The following MAGT1 variants were observed in gnomAD, a reference collection of about 807,000 sequenced individuals.
MAGT1 encodes the protein magnesium transporter 1, also known as dolichyl-diphosphooligosaccharide--protein glycosyltransferase subunit MAGT1.
MAGT1 carries 4 observed loss-of-function variants against 28.4 expected under a neutral mutation model. That is an observed-to-expected ratio of 0.14 (90% CI 0.07 to 0.32). The LOEUF is 0.32. MAGT1 is among the 10% of genes least tolerant of loss of function. MAGT1 has a pLI of 1.00. For missense variants in MAGT1, 193 were observed against 264.5 expected (o/e 0.73, Z 1.88); for synonymous variants, 89 against 89.7 (o/e 0.99, Z 0.04).
In MAGT1 at chrX:77,849,463, G is replaced by A. The variant is rs782497653; in HGVS notation, c.826+4438C>T. Reference sequence around the variant, plus strand: ...AGCAGTCAGGATAGCAGTTATTTCTGGGTGGGAAGGTGGCAATCAGGAGGA... The same window carrying A: ...AGCAGTCAGGATAGCAGTTATTTCTAGGTGGGAAGGTGGCAATCAGGAGGA... On this transcript the variant is annotated intron_variant, in intron 7 of 9. Transcript: ENST00000618282. 5.4e-5 allele frequency among the ~76,000 whole-genome samples: 6 copies of A among 111,188 alleles called. No individual in the cohort carries two copies. In the East Asian group the frequency reaches 1.7e-3, roughly 31 times the overall value.
At chrX:77,836,493 T>C (rs1557213929) in intron 8 of MAGT1, among the ~76,000 whole-genome samples, 1 of 112,009 alleles carries the variant, frequency 8.9e-6, no homozygotes, top group African/African-American at 3.2e-5. Context: ...AAACATCTCA[T>C]GTATCCCATA....
chrX:77,877,497 A>T (rs782172709), intron 1 of MAGT1, among the ~76,000 whole-genome samples: 14 of 109,086 alleles, frequency 1.3e-4, no homozygotes, highest in South Asian at 3.8e-4. Flanking sequence ...TCTCAAAAAA[A>T]AAAATAAAAT....
chrX:77,883,029 GTTAT>G (rs1215921351), intron 1 of MAGT1, among the ~76,000 whole-genome samples: 3 of 97,870 alleles, frequency 3.1e-5, no homozygotes, highest in African/African-American at 1.1e-4. Context: ...TTATATATTT[GTTAT>G]TTATATATAA....
At chrX:77,881,091 T>C (rs1177617497) in intron 1 of MAGT1, among the ~76,000 whole-genome samples, 3 of 110,283 alleles carry the variant, frequency 2.7e-5, no homozygotes, top group Non-Finnish European at 3.8e-5. Flanking sequence ...AGAGAATATT[T>C]GATTTAAATT....
intron 2 of MAGT1, among the ~76,000 whole-genome samples, chrX:77,871,717 C>T (rs1479515851): frequency 9.1e-6 from 1 of 110,380 alleles, no homozygotes; most frequent in African/African-American, 3.3e-5. Context: ...TGGCAGGCAC[C>T]TGTAGTCTCA....
At chrX:77,870,369 A>T (rs1557217232) in intron 3 of MAGT1, among the ~76,000 whole-genome samples, 1 of 110,684 alleles carries the variant, frequency 9.0e-6, no homozygotes, top group Non-Finnish European at 1.9e-5. Flanking sequence ...TATCCATGTA[A>T]CCAAAAACCA....
intron 4 of MAGT1, among the ~76,000 whole-genome samples, 173 bp from the exon 5 acceptor site, chrX:77,857,046 T>C: frequency 8.9e-6 from 1 of 112,013 alleles, no homozygotes; most frequent in Non-Finnish European, 1.9e-5. Flanking sequence ...TAAAATAGGA[T>C]AGAATAGGTA....
chrX:77,841,639 T>C (rs782460010), intron 7 of MAGT1, among the ~76,000 whole-genome samples: 1 of 110,344 alleles, frequency 9.1e-6, no homozygotes, highest in South Asian at 3.8e-4. Context: ...GACATTCAGT[T>C]ATTGCCCTGA....
chrX:77,876,132 TTATATATATATATA>T (rs1222026237), intron 1 of MAGT1, among the ~76,000 whole-genome samples: 6 of 34,085 alleles, frequency 1.8e-4, no homozygotes, highest in Non-Finnish European at 2.3e-4. Flanking sequence ...CACCTGGCCT[TTATATATATATATA>T]TATATATATA....
At position 77,858,026 on chromosome X, in the gene MAGT1, C is replaced by G. The variant is rs182464910; in HGVS notation, c.391-529G>C. ...ATTTCTCTATTCTCCATCATGACAT[C>G]ATGATATATTTGAGAAGACAACACC... On this transcript the variant is annotated intron_variant, in intron 3 of 9. Coordinates refer to ENST00000618282, the MANE Select transcript of MAGT1 (RefSeq NM_001367916.1). Among the ~76,000 whole-genome samples the G allele has an allele frequency of 5.5e-4, 61 of 111,711 alleles. 1 individual carries two copies. Among genetic ancestry groups the G allele is most frequent in the Admixed American group, 5.3e-3 (55 of 10,418 alleles).
At chrX:77,861,203 C>A (rs1321096580) in intron 3 of MAGT1, among the ~76,000 whole-genome samples, 2 of 108,124 alleles carry the variant, frequency 1.8e-5, no homozygotes, top group Non-Finnish European at 3.8e-5. Flanking sequence ...GCAACACACA[C>A]ACACAATGGG....
At chrX:77,878,536 C>T (rs1207530307) in intron 1 of MAGT1, among the ~76,000 whole-genome samples, 2 of 104,784 alleles carry the variant, frequency 1.9e-5, no homozygotes, top group African/African-American at 6.9e-5. Context: ...GCTGTAATCC[C>T]AGCACTTTAG....
chrX:77,863,375 C>T (rs2076999658), intron 3 of MAGT1, among the ~76,000 whole-genome samples: 2 of 107,002 alleles, frequency 1.9e-5, no homozygotes, highest in African/African-American at 6.8e-5. Context: ...ATTAGCCGGG[C>T]GTGGTGGTGT....
chrX:77,886,637 T>C (rs1603365066), intron 1 of MAGT1, among the ~76,000 whole-genome samples: 1 of 110,412 alleles, frequency 9.1e-6, no homozygotes, highest in East Asian at 2.8e-4. Context: ...CTGAGCAACA[T>C]AGTTAGATTC....
intron 9 of MAGT1, among the ~76,000 whole-genome samples, 188 bp downstream of exon 9, chrX:77,830,617 A>AAAAT (rs1196992466): frequency 5.9e-4 from 65 of 110,332 alleles, no homozygotes; most frequent in African/African-American, 1.0e-3. Context: ...CTCCATCTCA[A>AAAAT]AAATAAATAA....
intron 7 of MAGT1, among the ~76,000 whole-genome samples, chrX:77,852,196 C>T (rs782078983): frequency 8.9e-6 from 1 of 112,564 alleles, no homozygotes; most frequent in East Asian, 2.8e-4. Context: ...AGCCACCACG[C>T]CTGGCCTCAG....
chrX:77,838,360 G>A (rs1557214093), intron 8 of MAGT1, among the ~76,000 whole-genome samples: 2 of 110,060 alleles, frequency 1.8e-5, no homozygotes, highest in Admixed American at 9.8e-5. Flanking sequence ...GGGAAGCTGA[G>A]GCAGTAGGAC....
intron 8 of MAGT1, among the ~76,000 whole-genome samples, chrX:77,835,745 G>A (rs1056586057): frequency 9.0e-6 from 1 of 111,366 alleles, no homozygotes; most frequent in South Asian, 3.8e-4. Context: ...ATACAATGGA[G>A]TACTATTCAG....
At chrX:77,858,480 C>A (rs1370864180) in intron 3 of MAGT1, among the ~76,000 whole-genome samples, 1 of 111,632 alleles carries the variant, frequency 9.0e-6, no homozygotes, top group South Asian at 3.7e-4. Flanking sequence ...CGTGAGCCAC[C>A]GTGCCTGGCC....
Sources: gnomAD v4.1 joint callset for allele counts (sites outside exome capture counted in the v4.1 genomes callset) on GRCh38, gnomAD v4.1.1 for gene constraint, MANE v1.5 for transcripts, NCBI Gene and HGNC (gene_info 2026-07-23, HGNC 2026-07-21) for gene names.